FAM171A1: variants seen among roughly 807,000 people sequenced by gnomAD.
FAM171A1 encodes the protein protein FAM171A1.
FAM171A1 carries 23 observed loss-of-function variants against 74.9 expected under a neutral mutation model. The ratio of observed to expected loss-of-function variants is 0.31; its 90% CI spans 0.22 to 0.44. The LOEUF (loss-of-function observed/expected upper bound fraction) is 0.44, where lower values mean the gene tolerates loss of function less well. Ranked by LOEUF, FAM171A1 falls within the 20% of genes least tolerant of loss-of-function variation. FAM171A1 has a pLI of 1.00. For missense variants in FAM171A1, 1,162 were observed against 1,159.2 expected (o/e 1.00, Z -0.03); for synonymous variants, 527 against 505.7 (o/e 1.04, Z -0.57).
intron 5 of FAM171A1, among the ~76,000 whole-genome samples, chr10:15,242,076 AT>A (rs1462697039): frequency 6.6e-6 from 1 of 152,230 alleles, no homozygotes; most frequent in African/African-American, 2.4e-5. Flanking sequence ...AAAATAGATA[AT>A]TTAAAGTATT....
In FAM171A1 at chr10:15,253,395, G is replaced by A. The variant is rs114376464; in HGVS notation, c.577+1326C>T. Among the ~76,000 whole-genome samples, 156 of 152,116 alleles carry A rather than the reference G, an allele frequency of 1.0e-3. 1 individual carries two copies. Among genetic ancestry groups the A allele is most frequent in the African/African-American group, 3.6e-3 (148 of 41,492 alleles). On this transcript the variant is annotated intron_variant, in intron 4 of 7. Coordinates refer to ENST00000378116, the MANE Select transcript of FAM171A1 (RefSeq NM_001010924.2). ...GTCAACATTTTTTTTTCCTAATAAT[G>A]TTTACTTAAGATGACTGCTATGCCA...
chr10:15,226,075 G>A (rs1430402312), intron 5 of FAM171A1, among the ~76,000 whole-genome samples: 1 of 152,182 alleles, frequency 6.6e-6, no homozygotes, highest in African/African-American at 2.4e-5. Flanking sequence ...AAGCAGCTGA[G>A]GTGGCCGCTG....
At chr10:15,230,413 T>G (rs1356554314) in intron 5 of FAM171A1, among the ~76,000 whole-genome samples, 4 of 152,216 alleles carry the variant, frequency 2.6e-5, no homozygotes, top group Non-Finnish European at 5.9e-5. Flanking sequence ...GCAAAAGTTA[T>G]GTGCAGATGG....
intron 1 of FAM171A1, among the ~76,000 whole-genome samples, chr10:15,347,834 CAAAAAAAAAAAA>C (rs71390034): frequency 4.4e-4 from 41 of 94,248 alleles, no homozygotes; most frequent in South Asian, 8.2e-4. Flanking sequence ...GACTCCATCT[CAAAAAAAAAAAA>C]AAAAAAAAAA....
intron 2 of FAM171A1, among the ~76,000 whole-genome samples, chr10:15,280,102 A>C (rs1280559042): frequency 6.6e-6 from 1 of 151,992 alleles, no homozygotes; most frequent in African/African-American, 2.4e-5. Context: ...GAAGAAAAAA[A>C]CCCAAAAAAT....
chr10:15,340,232 T>A (rs1835750057), intron 1 of FAM171A1, among the ~76,000 whole-genome samples: 1 of 152,202 alleles, frequency 6.6e-6, no homozygotes, highest in African/African-American at 2.4e-5. Context: ...GTGTATGGAC[T>A]CATGGCTATC....
chr10:15,278,100 C>T (rs996692498), intron 2 of FAM171A1, among the ~76,000 whole-genome samples: 5 of 152,228 alleles, frequency 3.3e-5, no homozygotes, highest in African/African-American at 4.8e-5. Context: ...GTGAGTTGGC[C>T]GTGGATGTGA....
chr10:15,360,849 G>A (rs1348210727), intron 1 of FAM171A1, among the ~76,000 whole-genome samples: 1 of 152,178 alleles, frequency 6.6e-6, no homozygotes, highest in African/African-American at 2.4e-5. Context: ...CACCCTGGCG[G>A]TTCTGGTAGC....
chr10:15,266,363 C>T (rs1374847229), intron 3 of FAM171A1, among the ~76,000 whole-genome samples: 3 of 152,184 alleles, frequency 2.0e-5, no homozygotes, highest in African/African-American at 4.8e-5. Flanking sequence ...GATAGGGCCA[C>T]AGGACACAAG....
chr10:15,265,064 T>C (rs938398890), intron 3 of FAM171A1, among the ~76,000 whole-genome samples: 1 of 152,136 alleles, frequency 6.6e-6, no homozygotes, highest in African/African-American at 2.4e-5. Flanking sequence ...TTTGTAATTT[T>C]AAAAAGCTGG....
At chr10:15,354,153 C>G (rs946813656) in intron 1 of FAM171A1, among the ~76,000 whole-genome samples, 1 of 152,120 alleles carries the variant, frequency 6.6e-6, no homozygotes, top group Non-Finnish European at 1.5e-5. Flanking sequence ...CATGCTTGCA[C>G]TCCAGATCCC....
At chr10:15,248,201 A>G (rs1400574674) in intron 5 of FAM171A1, among the ~76,000 whole-genome samples, 1 of 152,162 alleles carries the variant, frequency 6.6e-6, no homozygotes, top group Non-Finnish European at 1.5e-5. Flanking sequence ...GGTTTTCTCT[A>G]GGTGGTGAGA....
intron 1 of FAM171A1, among the ~76,000 whole-genome samples, chr10:15,351,567 C>CGACG (rs1554757202): frequency 6.8e-6 from 1 of 146,350 alleles, no homozygotes; most frequent in Non-Finnish European, 1.5e-5. Context: ...AAAGTAGGGA[C>CGACG]GATGGATGGA....
chr10:15,225,508 T>C (rs1834093831), intron 5 of FAM171A1, among the ~76,000 whole-genome samples: 1 of 152,152 alleles, frequency 6.6e-6, no homozygotes, highest in Admixed American at 6.5e-5. Flanking sequence ...CCAGGGAGTA[T>C]GGGAATTAGC....
intron 1 of FAM171A1, among the ~76,000 whole-genome samples, chr10:15,289,173 C>A (rs768009269): frequency 6.6e-6 from 1 of 152,130 alleles, no homozygotes; most frequent in Non-Finnish European, 1.5e-5. Flanking sequence ...TAGAATAACA[C>A]TGAGAATGGG....
intron 1 of FAM171A1, among the ~76,000 whole-genome samples, chr10:15,315,701 C>T (rs946536998): frequency 2.0e-5 from 3 of 152,160 alleles, no homozygotes; most frequent in African/African-American, 2.4e-5. Context: ...AGAAAGCCAT[C>T]GCCTTACCTC....
chr10:15,272,341 A>G (rs1834837162), intron 3 of FAM171A1, among the ~76,000 whole-genome samples: 1 of 152,250 alleles, frequency 6.6e-6, no homozygotes, highest in Non-Finnish European at 1.5e-5. Context: ...AAGAAGAGCT[A>G]ACTGTCCTAA....
intron 1 of FAM171A1, among the ~76,000 whole-genome samples, chr10:15,326,929 A>C (rs1835562496): frequency 6.6e-6 from 1 of 152,186 alleles, no homozygotes; most frequent in Non-Finnish European, 1.5e-5. Flanking sequence ...CACTCCGGCT[A>C]CAATTCTTGT....
At chr10:15,365,208 C>A (rs1836044375) in intron 1 of FAM171A1, among the ~76,000 whole-genome samples, 1 of 152,134 alleles carries the variant, frequency 6.6e-6, no homozygotes, top group South Asian at 2.1e-4. Context: ...ATTCCTACTG[C>A]ATGGATTTTA....
Sources: gnomAD v4.1 joint callset for allele counts (sites outside exome capture counted in the v4.1 genomes callset) on GRCh38, gnomAD v4.1.1 for gene constraint, MANE v1.5 for transcripts, NCBI Gene and HGNC (gene_info 2026-07-23, HGNC 2026-07-21) for gene names.